The following AHNAK2 variants were observed in gnomAD, a reference collection of about 807,000 sequenced individuals.
AHNAK2 encodes AHNAK nucleoprotein 2, also known as protein AHNAK2.
In AHNAK2, 18 loss-of-function variants were observed where a neutral mutation model predicts 30.7. The observed-to-expected ratio is 0.59, with a 90% confidence interval of 0.41 to 0.87. The LOEUF is 0.87. Ranked by LOEUF, AHNAK2 falls within the 40% of genes least tolerant of loss-of-function variation. AHNAK2 has a pLI of 0.00. For missense variants in AHNAK2, 8,604 were observed against 7,373.0 expected (o/e 1.17, Z -6.11); for synonymous variants, 3,590 against 3,073.8 (o/e 1.17, Z -5.56).
intron 1 of AHNAK2, chr14:104,970,434 C>T (rs1295786620): frequency 4.1e-6 from 4 of 985,400 alleles, no homozygotes; most frequent in East Asian, 2.3e-4. Flanking sequence ...GGTGTCCGGA[C>T]ATGGACACAG....
Position 104,944,146 on chromosome 14 carries a change from C to T in AHNAK2, c.11305G>A (p.Val3769Met), listed in dbSNP as rs199717476. 51 of 1,612,820 alleles carry T rather than the reference C, an allele frequency of 3.2e-5. 1 individual carries two copies. In the East Asian group the frequency reaches 6.5e-4, roughly 20 times the overall value. Residue 3769 changes from valine to methionine, a missense_variant, in exon 7 of 7, where the codon GTG (valine) becomes ATG (methionine). Physicochemically the swap from Val to Met is conservative, Grantham distance 21. Transcript: ENST00000333244. ...APDVEVSLPS[V>M]EVDVQAPRAK... The stretch of plus-strand genomic sequence containing the variant: ...CTTGGGGCCTGGACGTCCACCTCCA[C>T]GCTGGGCAGAGACACCTCCACATCA...
rs554546434 is a variant in AHNAK2, at chr14:104,968,220, G to A, written c.55+9963C>T. On this transcript the variant is annotated intron_variant, in intron 1 of 6. Transcript: ENST00000333244. ...CTTGAACCTTGTGGAGGGACCCCGG[G>A]ACCCAGGTCAGTCCCTTGCATGCCA... is the stretch of plus-strand genomic sequence containing the variant. Among the ~76,000 whole-genome samples, 9 of 152,334 alleles carry A rather than the reference G, an allele frequency of 5.9e-5. No individual in the cohort carries two copies. In the South Asian group the frequency reaches 1.5e-3, roughly 25 times the overall value.
rs757645701 is a variant in AHNAK2 at position 104,945,928 on chromosome 14, C to T, written c.9523G>A (p.Ala3175Thr). The T allele has an allele frequency of 9.6e-6, 12 of 1,248,564 alleles. 1 individual carries two copies. The African/African-American group carries it at 1.4e-4, about 15-fold the overall frequency. The allele number at this position is 1,248,564 out of a possible 1,614,324, so 77.3% of individuals were successfully genotyped here. A position where few individuals can be genotyped will look rare whatever the true frequency, so the allele number is the denominator to read the frequency against. ...LVDVSAPKVE[A>T]DLSLPSMQGD... The stretch of plus-strand genomic sequence containing the variant: ...TGCATGGAGGGGAGGCTCAGGTCGG[C>T]CTCCACCTTTGGCGCAGACACATCC... Residue 3175 changes from alanine (A) to threonine (T), a missense_variant, in exon 7 of 7, where the codon GCC becomes ACC. Coordinates refer to ENST00000333244, the MANE Select transcript of AHNAK2 (RefSeq NM_138420.4).
Position 104,941,479 on chromosome 14 carries a change from A to C in AHNAK2, c.13972T>G (p.Phe4658Val). The change falls in exon 7 of 7, where the codon TTC (phenylalanine) becomes GTC (valine). Residue 4658 changes from phenylalanine to valine, a missense_variant. Physicochemically the swap from Phe to Val is conservative, Grantham distance 50. Coordinates refer to ENST00000333244, the MANE Select transcript of AHNAK2 (RefSeq NM_138420.4). ...GGAAATGTGGAAGTCTTCTCATGGA[A>C]TGTAACATTTCCTTCGATTTCAGAG... ...SSSEIEGNVT[F>V]HEKTSTFPIV... 6.2e-7 allele frequency: 1 copy of C among 1,612,890 alleles called. No homozygotes were observed. The highest frequency in any genetic ancestry group is 8.5e-7 in the Non-Finnish European group (1 of 1,179,700).
At chr14:104,961,307 G>T (rs1328181042) in intron 1 of AHNAK2, among the ~76,000 whole-genome samples, 2 of 152,058 alleles carry the variant, frequency 1.3e-5, no homozygotes, top group Admixed American at 6.5e-5. Flanking sequence ...GAGGTCAGGA[G>T]ATCAAAACCA....
At chr14:104,978,023 C>A (rs1899639701) in intron 1 of AHNAK2, among the ~76,000 whole-genome samples, 160 bp downstream of exon 1, 1 of 152,184 alleles carries the variant, frequency 6.6e-6, no homozygotes, top group Admixed American at 6.5e-5. Flanking sequence ...GAGACTCCAG[C>A]GGCCGGGAAG....
In AHNAK2 at chr14:104,953,132, G is replaced by T; in HGVS notation, c.2319C>A (p.Leu773=). The change falls in exon 7 of 7, where the codon CTC becomes CTA. Residue 773 remains leucine (L), a synonymous_variant. Transcript: ENST00000333244. ...CTTTCAGGTCCAGCTTGGGGCCCTT[G>T]AGGTCCACTTTGGGCATCTTCAAAC... ...RPSLKMPKVD[L]KGPKLDLKGP... 1 of 1,610,256 alleles carries T rather than the reference G, an allele frequency of 6.2e-7. No individual in the cohort carries two copies. Among genetic ancestry groups the T allele is most frequent in the Non-Finnish European group, 8.5e-7 (1 of 1,177,382 alleles).
intron 1 of AHNAK2, among the ~76,000 whole-genome samples, chr14:104,962,092 C>T (rs1032108885): frequency 1.3e-5 from 2 of 152,176 alleles, no homozygotes; most frequent in African/African-American, 4.8e-5. Flanking sequence ...TTCTAACACT[C>T]TTAGGAAATG....
Position 104,955,335 on chromosome 14 carries a change from G to A in AHNAK2, c.466+148C>T, listed in dbSNP as rs893630315. The stretch of plus-strand genomic sequence containing the variant: ...GTCCCCCATTTTACTAGATGCAGTG[G>A]GTGATCCCAGCCTCAAGCTGTTGAG... On this transcript the variant is annotated intron_variant, in intron 5 of 6. Coordinates refer to ENST00000333244, the MANE Select transcript of AHNAK2 (RefSeq NM_138420.4). The A allele has an allele frequency of 2.3e-6, 3 of 1,331,082 alleles. No individual in the cohort carries two copies. In the African/African-American group the frequency reaches 4.4e-5, roughly 20 times the overall value. The allele number at this position is 1,331,082 out of a possible 1,614,324, so 82.5% of individuals were successfully genotyped here. A position where few individuals can be genotyped will look rare whatever the true frequency, so the allele number is the denominator to read the frequency against.
Position 104,938,645 on chromosome 14 carries a change from G to T in AHNAK2, c.16806C>A (p.Ser5602Arg). Residue 5602 changes from serine to arginine, a missense_variant, in exon 7 of 7, where the codon AGC (serine) becomes AGA (arginine). Physicochemically the swap from Ser to Arg is moderately radical, Grantham distance 110 (BLOSUM62 -1). Coordinates refer to ENST00000333244, the MANE Select transcript of AHNAK2 (RefSeq NM_138420.4). ...TTTCTGCTGGCTCCTCATCTGAACA[G>T]CTGTCTGCAAGCTGGTGGCCAGAAG... ...EVPSGHQLAD[S>R]CSDEEPAEIL... 6.2e-7 allele frequency: 1 copy of T among 1,612,334 alleles called. No homozygotes were observed. The highest frequency in any genetic ancestry group is 1.1e-5 in the South Asian group (1 of 90,684).
At position 104,939,667 on chromosome 14, in the gene AHNAK2, T is replaced by G. The variant is rs1266906495; in HGVS notation, c.15784A>C (p.Ser5262Arg). Residue 5262 changes from serine (S) to arginine (R), a missense_variant, in exon 7 of 7, where the codon AGC becomes CGC. By Grantham distance (110) the Ser-to-Arg change is moderately radical (BLOSUM62 -1). Coordinates refer to ENST00000333244, the MANE Select transcript of AHNAK2 (RefSeq NM_138420.4). ...CTTAGAATATCTGTGGATGATTTGC[T>G]CTCAGAAGCTGTCACTTCTGCATCT... ...EADAEVTASESKSSTDILRCD... is the reference protein window; with the variant it reads ...EADAEVTASERKSSTDILRCD... The G allele has an allele frequency of 6.2e-7, 1 of 1,613,764 alleles. No individual in the cohort carries two copies. Among genetic ancestry groups the G allele is most frequent in the East Asian group, 2.2e-5 (1 of 44,896 alleles).
rs28593209 is a variant in AHNAK2, at chr14:104,950,312, G to A, written c.5139C>T (p.Ala1713=). The change falls in exon 7 of 7, where the codon GCC becomes GCT. Residue 1713 remains alanine, a synonymous_variant. Coordinates refer to ENST00000333244, the MANE Select transcript of AHNAK2 (RefSeq NM_138420.4). ...CTTGGCCAGCCTGGACCTCCAGGTC[G>A]GCGGAAGGGGACTGAATGCTGAGGT... The part of the protein sequence containing the change: ...TTDLSIQSPS[A]DLEVQAGQVN... 0.51 allele frequency: 802,135 copies of A among 1,580,476 alleles called. 255,662 individuals carry two copies. The highest frequency in any genetic ancestry group is 0.59 in the Middle Eastern group (3,517 of 6,010).
Position 104,942,939 on chromosome 14 carries a change from G to C in AHNAK2, c.12512C>G (p.Ser4171Cys). The C allele has an allele frequency of 6.2e-7, 1 of 1,613,510 alleles. No homozygotes were observed. The highest frequency in any genetic ancestry group is 8.5e-7 in the Non-Finnish European group (1 of 1,179,680). Residue 4171 changes from serine to cysteine, a missense_variant, in exon 7 of 7, where the codon TCC (serine) becomes TGC (cysteine). Physicochemically the swap from Ser to Cys is moderately radical, Grantham distance 112 (BLOSUM62 -1). Transcript: ENST00000333244. ...AGTGGTCTTGAGGTCCCCCTGCATG[G>C]AGGGGAGGCTCACGTCGGCTTTCGC... Reference protein sequence around the residue: ...LKAKADVSLPSMQGDLKTTDL... With the variant: ...LKAKADVSLPCMQGDLKTTDL...
intron 1 of AHNAK2, among the ~76,000 whole-genome samples, chr14:104,959,412 C>T (rs1254737225): frequency 6.6e-5 from 10 of 152,194 alleles, no homozygotes; most frequent in East Asian, 5.8e-4. Context: ...CCTCGTGATC[C>T]GCCTGCCTCA....
Position 104,940,069 on chromosome 14 carries a change from A to G in AHNAK2, c.15382T>C (p.Ser5128Pro), listed in dbSNP as rs1487316188. The G allele has an allele frequency of 1.9e-6, 3 of 1,611,540 alleles. No homozygotes were observed. The highest frequency in any genetic ancestry group is 2.5e-6 in the Non-Finnish European group (3 of 1,178,460). Residue 5128 changes from serine (S) to proline (P), a missense_variant, in exon 7 of 7, where the codon TCT (serine) becomes CCT (proline). Transcript: ENST00000333244. The surrounding 1 kb of genome is among the most constrained non-coding windows in gnomAD (Gnocchi z 4.4). ...CATCCTCTGCTGTCACCTTCGGTAG[A>G]CAGATCATGTTTGGGAAGAGGCAGG... ...ADLPLPKHDL[S>P]TEGDSRGCGL...
rs1566895428 is a variant in AHNAK2 at position 104,939,906 on chromosome 14, G to A, written c.15545C>T (p.Thr5182Ile). The change falls in exon 7 of 7, where the codon ACC (threonine) becomes ATC (isoleucine). Residue 5182 changes from threonine (T) to isoleucine (I), a missense_variant. By Grantham distance (89) the Thr-to-Ile change is moderately conservative. Coordinates refer to ENST00000333244, the MANE Select transcript of AHNAK2 (RefSeq NM_138420.4). ...AAACCAGCTTTCCTGCGAGTACTTG[G>A]TCATGGCTTCCTCCTCTGGGCTTTC... ...TVESPEEEAM[T>I]KYSQESWFKM... 4.3e-6 allele frequency: 7 copies of A among 1,612,990 alleles called. No homozygotes were observed. Among genetic ancestry groups the A allele is most frequent in the Non-Finnish European group, 5.9e-6 (7 of 1,179,884 alleles).
At position 104,939,081 on chromosome 14, in the gene AHNAK2, G is replaced by C. The variant is rs374510351; in HGVS notation, c.16370C>G (p.Ala5457Gly). ...CACTCTGACCTTTGAAATTGGGGGA[G>C]CTTCCAAAGGCAGGTTAAGGTCCAC... ...QPVDLNLPLE[A>G]PPISKVRVHI... The change falls in exon 7 of 7, where the codon GCT becomes GGT. Residue 5457 changes from alanine (A) to glycine (G), a missense_variant. Ala to Gly is a moderately conservative substitution (Grantham distance 60). Transcript: ENST00000333244. The C allele has an allele frequency of 6.2e-7, 1 of 1,603,370 alleles. No homozygotes were observed. Among genetic ancestry groups the C allele is most frequent in the East Asian group, 2.2e-5 (1 of 44,584 alleles).
At position 104,953,088 on chromosome 14, in the gene AHNAK2, G is replaced by A. The variant is rs1384837369; in HGVS notation, c.2363C>T (p.Thr788Ile). The A allele has an allele frequency of 6.8e-6, 11 of 1,612,930 alleles. No individual in the cohort carries two copies. Among genetic ancestry groups the A allele is most frequent in the South Asian group, 1.1e-5 (1 of 91,052 alleles). ...LDLKGPKAEV[T>I]APDVKMSLSS... Reference sequence around the variant, plus strand: ...CAGAGACATCTTCACATCGGGGGCTGTCACTTCCGCCTTGGGGCCTTTCAG... The same window carrying A: ...CAGAGACATCTTCACATCGGGGGCTATCACTTCCGCCTTGGGGCCTTTCAG... Residue 788 changes from threonine (T) to isoleucine (I), a missense_variant, in exon 7 of 7, where the codon ACA becomes ATA. Coordinates refer to ENST00000333244, the MANE Select transcript of AHNAK2 (RefSeq NM_138420.4).
intron 1 of AHNAK2, among the ~76,000 whole-genome samples, chr14:104,977,623 C>A (rs1337435485): frequency 6.6e-6 from 1 of 152,172 alleles, no homozygotes; most frequent in Non-Finnish European, 1.5e-5. Context: ...TAGACGCAGC[C>A]CAGCCCTGCC....
Sources: gnomAD v4.1 joint callset for allele counts (sites outside exome capture counted in the v4.1 genomes callset) on GRCh38, gnomAD v4.1.1 for gene constraint, Gnocchi (gnomAD v3.1) non-coding constraint, MANE v1.5 for transcripts, NCBI Gene and HGNC (gene_info 2026-07-23, HGNC 2026-07-21) for gene names.